The following CHODL variants were observed in gnomAD, a reference collection of about 807,000 sequenced individuals.
The protein encoded by CHODL is transmembrane protein MT75.
In CHODL, 29 loss-of-function variants were observed where a neutral mutation model predicts 34.5. That is an observed-to-expected ratio of 0.84 (90% CI 0.63 to 1.15). The LOEUF (loss-of-function observed/expected upper bound fraction) is 1.15. Among genes scored for constraint, CHODL ranks in the 50% most tolerant of loss-of-function variants. The pLI, the probability that CHODL is intolerant of heterozygous loss-of-function variation, is 0.00. For missense variants in CHODL, 332 were observed against 332.5 expected (o/e 1.00, Z 0.01); for synonymous variants, 125 against 116.1 (o/e 1.08, Z -0.49).
intron 1 of CHODL, among the ~76,000 whole-genome samples, chr21:17,977,509 G>A (rs1292460915): frequency 9.3e-5 from 14 of 150,816 alleles, no homozygotes; most frequent in Non-Finnish European, 1.9e-4. Context: ...GGGAATATGC[G>A]CCACTGCGCC....
At chr21:18,012,422 A>T (rs139131632) in intron 1 of CHODL, among the ~76,000 whole-genome samples, 30 of 152,248 alleles carry the variant, frequency 2.0e-4, no homozygotes, top group African/African-American at 6.5e-4. Flanking sequence ...ATGCATTCCT[A>T]TGAGTCTGCC....
intron 2 of CHODL, among the ~76,000 whole-genome samples, chr21:18,209,250 C>G (rs893283096): frequency 4.6e-5 from 7 of 152,154 alleles, no homozygotes; most frequent in Non-Finnish European, 7.4e-5. Flanking sequence ...AAAAGTTCTT[C>G]CTGCTCATTC....
At chr21:18,042,344 C>A (rs1473866537) in intron 2 of CHODL, among the ~76,000 whole-genome samples, 1 of 151,820 alleles carries the variant, frequency 6.6e-6, no homozygotes, top group African/African-American at 2.4e-5. Flanking sequence ...TTGGGGCCCA[C>A]AAATTGTATA....
intron 1 of CHODL, among the ~76,000 whole-genome samples, chr21:17,936,082 G>A (rs933992903): frequency 6.6e-6 from 1 of 152,000 alleles, no homozygotes; most frequent in Non-Finnish European, 1.5e-5. Flanking sequence ...TTATCATATC[G>A]TAGAAATAGA....
At chr21:18,027,051 T>A (rs1688174) in intron 1 of CHODL, among the ~76,000 whole-genome samples, 152,186 of 152,188 alleles carry the variant, frequency 1, 76,092 homozygotes, top group Middle Eastern at 1. Flanking sequence ...CAGAAGTGGG[T>A]CGATTGCTGA....
chr21:18,222,420 C>T (rs1459113487), intron 2 of CHODL, among the ~76,000 whole-genome samples: 2 of 152,064 alleles, frequency 1.3e-5, no homozygotes, highest in East Asian at 3.9e-4. Flanking sequence ...TGTGCTACAG[C>T]AACTTGGACA....
In CHODL at chr21:17,994,719, A is replaced by C. The variant is rs536388378; in HGVS notation, c.-144-33153A>C. Reference sequence around the variant, plus strand: ...TGGCAGGTGGGACAGACCTGTCCTCAGGCTTCCAGATGGTGTGTGTGGGTG... The same window carrying C: ...TGGCAGGTGGGACAGACCTGTCCTCCGGCTTCCAGATGGTGTGTGTGGGTG... On this transcript the variant is annotated intron_variant, in intron 1 of 6. Transcript: ENST00000400127. Among the ~76,000 whole-genome samples, 866 of 152,222 alleles carry C rather than the reference A, an allele frequency of 5.7e-3. 9 individuals carry two copies. Among genetic ancestry groups the C allele is most frequent in the African/African-American group, 0.014 (578 of 41,542 alleles).
At chr21:18,040,372 G>C (rs1284761256) in intron 2 of CHODL, among the ~76,000 whole-genome samples, 2 of 151,946 alleles carry the variant, frequency 1.3e-5, no homozygotes, top group Non-Finnish European at 2.9e-5. Flanking sequence ...ACAACTGAAA[G>C]CCATTAACTG....
At chr21:18,191,696 GA>G (rs1289836165) in intron 2 of CHODL, among the ~76,000 whole-genome samples, 1 of 152,134 alleles carries the variant, frequency 6.6e-6, no homozygotes, top group Non-Finnish European at 1.5e-5. Flanking sequence ...AAAGAAGTCA[GA>G]GTCACAGAAG....
At position 18,001,356 on chromosome 21, in the gene CHODL, C is replaced by T. The variant is rs376836998; in HGVS notation, c.-144-26516C>T. Among the ~76,000 whole-genome samples, 6 of 152,328 alleles carry T rather than the reference C, an allele frequency of 3.9e-5. 1 individual carries two copies. Among genetic ancestry groups the T allele is most frequent in the Admixed American group, 1.3e-4 (2 of 15,298 alleles). ...AGTTGATAACATGCCAGACTTTGGT[C>T]TTATTGGTCTTGCTGCTTCCATGGG... On this transcript the variant is annotated intron_variant, in intron 1 of 6. Transcript: ENST00000400127.
At chr21:17,972,041 A>G (rs1180625082) in intron 1 of CHODL, among the ~76,000 whole-genome samples, 1 of 152,196 alleles carries the variant, frequency 6.6e-6, no homozygotes, top group Non-Finnish European at 1.5e-5. Flanking sequence ...CATCACATAA[A>G]CTGAACCAGT....
chr21:18,084,287 T>C (rs2064976720), intron 2 of CHODL, among the ~76,000 whole-genome samples: 1 of 127,048 alleles, frequency 7.9e-6, no homozygotes, highest in South Asian at 2.2e-4. Context: ...TGTGAGTTAT[T>C]TGTTATTTTT....
chr21:18,155,441 A>T (rs950617432), intron 2 of CHODL, among the ~76,000 whole-genome samples: 2 of 152,226 alleles, frequency 1.3e-5, no homozygotes, highest in Non-Finnish European at 2.9e-5. Flanking sequence ...GGAAATGAAT[A>T]GATGGTGCAA....
chr21:18,035,657 C>T (rs1047304167), intron 2 of CHODL, among the ~76,000 whole-genome samples: 9 of 151,922 alleles, frequency 5.9e-5, no homozygotes, highest in Non-Finnish European at 1.0e-4. Context: ...TCTTTGTTTA[C>T]GTTGCAGATA....
intron 1 of CHODL, among the ~76,000 whole-genome samples, chr21:17,979,407 T>TAA (rs2063696824): frequency 6.6e-6 from 1 of 152,214 alleles, no homozygotes; most frequent in African/African-American, 2.4e-5. Context: ...TTAGGGTTTT[T>TAA]AAAAGCTTCC....
upstream of CHODL, among the ~76,000 whole-genome samples, chr21:18,243,899 A>G (rs2074105290): frequency 6.6e-6 from 1 of 152,212 alleles, no homozygotes; most frequent in Non-Finnish European, 1.5e-5. Context: ...AATGTTATTT[A>G]ACAAATTCTC....
intron 2 of CHODL, among the ~76,000 whole-genome samples, chr21:18,121,185 C>T (rs942110572): frequency 6.6e-6 from 1 of 152,082 alleles, no homozygotes; most frequent in African/African-American, 2.4e-5. Context: ...ATCTTTTAGA[C>T]TCAGCAGGGG....
chr21:18,252,135 T>C (rs2074264578), intron 1 of CHODL, among the ~76,000 whole-genome samples: 1 of 152,112 alleles, frequency 6.6e-6, no homozygotes, highest in Admixed American at 6.6e-5. Flanking sequence ...CTCTCTCTTG[T>C]AGATAAGCCC....
intron 2 of CHODL, among the ~76,000 whole-genome samples, chr21:18,184,408 T>TA (rs1373931167): frequency 6.6e-6 from 1 of 152,196 alleles, no homozygotes; most frequent in Non-Finnish European, 1.5e-5. Flanking sequence ...AAAATCAAGT[T>TA]AAAATGCTTA....
Sources: allele counts gnomAD v4.1 joint callset (sites outside exome capture counted in the v4.1 genomes callset), GRCh38; gene constraint gnomAD v4.1.1; transcripts MANE v1.5; gene names NCBI Gene and HGNC (gene_info 2026-07-23, HGNC 2026-07-21).